The following SRBD1 variants were observed in gnomAD, a reference collection of about 807,000 sequenced individuals.
The protein encoded by SRBD1 is S1 RNA-binding domain-containing protein 1.
SRBD1 carries 88 observed loss-of-function variants against 115.3 expected under a neutral mutation model. The observed-to-expected ratio is 0.76, with a 90% CI of 0.64 to 0.91. SRBD1 has a LOEUF of 0.91. Ranked by LOEUF, SRBD1 falls within the 40% of genes least tolerant of loss-of-function variation. The pLI is 0.00. For missense variants in SRBD1, 1,385 were observed against 1,177.4 expected (o/e 1.18, Z -2.58); for synonymous variants, 509 against 407.7 (o/e 1.25, Z -2.99).
chr2:45,590,281 A>C (rs1308950328), intron 4 of SRBD1, among the ~76,000 whole-genome samples: 1 of 152,224 alleles, frequency 6.6e-6, no homozygotes, highest in Admixed American at 6.5e-5. Flanking sequence ...TAACTCTGGG[A>C]GGAACTCAGT....
chr2:45,451,506 AAG>A (rs1456725169), intron 16 of SRBD1, among the ~76,000 whole-genome samples: 1 of 152,036 alleles, frequency 6.6e-6, no homozygotes, highest in African/African-American at 2.4e-5. Context: ...GATTTTGTGG[AAG>A]AGAGATAGCA....
rs776934009 is a variant in SRBD1, at chr2:45,599,406, A to C, written c.648+43T>G. 4.3e-5 allele frequency: 68 copies of C among 1,576,630 alleles called. 1 individual carries two copies. In the Middle Eastern group the frequency reaches 5.1e-4, roughly 12 times the overall value. On this transcript the variant is annotated intron_variant, in intron 4 of 20. Transcript: ENST00000263736. ...CAACCCCTATGCTAGTCAAAAAGAA[A>C]GCACTCAAAACAACTAAAGTGACAG...
intron 6 of SRBD1, among the ~76,000 whole-genome samples, chr2:45,580,597 G>A (rs1673325205): frequency 7.1e-6 from 1 of 140,940 alleles, no homozygotes; most frequent in Non-Finnish European, 1.5e-5. Context: ...TTGGTCTCGT[G>A]ATCTGCCCGC....
At chr2:45,590,487 C>T (rs891424987) in intron 4 of SRBD1, among the ~76,000 whole-genome samples, 4 of 152,138 alleles carry the variant, frequency 2.6e-5, no homozygotes, top group East Asian at 1.9e-4. Context: ...ATAATCCCCA[C>T]GTGTCAAGGG....
Position 45,574,612 on chromosome 2 carries a change from A to G in SRBD1, c.1169+15T>C. 1 of 1,610,598 alleles carries G rather than the reference A, an allele frequency of 6.2e-7. No homozygotes were observed. Among genetic ancestry groups the G allele is most frequent in the Non-Finnish European group, 8.5e-7 (1 of 1,178,148 alleles). The stretch of plus-strand genomic sequence containing the variant: ...GAGTCCATAAAGCAGAAAACTCCAT[A>G]AAAGAGATACTCACAAGTTCCGAAT... On this transcript the variant is annotated intron_variant, in intron 8 of 20. Transcript: ENST00000263736.
chr2:45,502,197 A>G (rs1670655399), intron 14 of SRBD1, among the ~76,000 whole-genome samples: 1 of 152,228 alleles, frequency 6.6e-6, no homozygotes, highest in South Asian at 2.1e-4. Flanking sequence ...GTGGACCTCC[A>G]GCAAACTCCA....
At position 45,480,367 on chromosome 2, in the gene SRBD1, A is replaced by T. The variant is rs114747797; in HGVS notation, c.1967-3292T>A. The stretch of plus-strand genomic sequence containing the variant: ...TTTACCATTCTAGATGCTATTAATA[A>T]CATTCATAATTCATGGGAGGAGGGC... On this transcript the variant is annotated intron_variant, in intron 15 of 20. Transcript: ENST00000263736. 7.9e-3 allele frequency among the ~76,000 whole-genome samples: 1,210 copies of T among 152,308 alleles called. 17 individuals carry two copies. Among genetic ancestry groups the T allele is most frequent in the African/African-American group, 0.028 (1,146 of 41,572 alleles).
At chr2:45,526,480 G>T (rs554458637) in intron 14 of SRBD1, among the ~76,000 whole-genome samples, 3 of 151,978 alleles carry the variant, frequency 2.0e-5, no homozygotes, top group African/African-American at 7.2e-5. Flanking sequence ...TGGGAGAGAA[G>T]GGAGTGAGAG....
intron 10 of SRBD1, among the ~76,000 whole-genome samples, chr2:45,554,308 C>G (rs916133703): frequency 2.0e-5 from 3 of 152,204 alleles, no homozygotes; most frequent in African/African-American, 7.2e-5. Context: ...GCATTTTGAT[C>G]TTGGACTTCT....
chr2:45,602,537 A>G (rs745944809), intron 2 of SRBD1, among the ~76,000 whole-genome samples: 14 of 152,260 alleles, frequency 9.2e-5, no homozygotes, highest in Non-Finnish European at 1.8e-4. Context: ...AAATGGCTCT[A>G]GGAAACACAC....
chr2:45,389,294 G>A lies in SRBD1; in HGVS notation c.*16C>T. On this transcript the variant is annotated 3_prime_UTR_variant, in exon 21 of 21. Transcript: ENST00000263736. ...AAATGAGAAAATAAAATCAGCGTCTGGCCTTCGTGGGATACTCATAACACC... is the reference window on the plus strand; with the variant it reads ...AAATGAGAAAATAAAATCAGCGTCTAGCCTTCGTGGGATACTCATAACACC... The A allele has an allele frequency of 1.9e-6, 3 of 1,605,514 alleles. No homozygotes were observed. Among genetic ancestry groups the A allele is most frequent in the Non-Finnish European group, 2.6e-6 (3 of 1,174,368 alleles).
intron 14 of SRBD1, among the ~76,000 whole-genome samples, chr2:45,493,477 T>C (rs1670360334): frequency 1.3e-5 from 2 of 152,162 alleles, no homozygotes; most frequent in East Asian, 1.9e-4. Flanking sequence ...TGAATTATCA[T>C]TTCAAGGATT....
chr2:45,411,188 G>A (rs979408647), intron 19 of SRBD1, among the ~76,000 whole-genome samples: 6 of 152,222 alleles, frequency 3.9e-5, no homozygotes, highest in Admixed American at 3.3e-4. Context: ...CCCAGGTGAC[G>A]TCTGCTGGAT....
intron 15 of SRBD1, among the ~76,000 whole-genome samples, chr2:45,479,928 T>C (rs1558422854): frequency 6.6e-6 from 1 of 152,196 alleles, no homozygotes; most frequent in Non-Finnish European, 1.5e-5. Context: ...TCAAGGCTCA[T>C]TTGCCATTCT....
chr2:45,594,066 A>G (rs1172423535), intron 4 of SRBD1, among the ~76,000 whole-genome samples: 3 of 152,226 alleles, frequency 2.0e-5, no homozygotes, highest in African/African-American at 7.2e-5. Flanking sequence ...CAACTAAATT[A>G]TATTAACAAA....
intron 16 of SRBD1, among the ~76,000 whole-genome samples, chr2:45,454,355 C>G (rs1669088982): frequency 6.6e-6 from 1 of 151,696 alleles, no homozygotes; most frequent in African/African-American, 2.4e-5. Context: ...CTATATATCA[C>G]CTTAATTTAA....
intron 16 of SRBD1, among the ~76,000 whole-genome samples, chr2:45,448,677 C>T (rs1428665006): frequency 6.6e-6 from 1 of 152,148 alleles, no homozygotes; most frequent in Non-Finnish European, 1.5e-5. Context: ...AATAGACCTG[C>T]AGATAACTAT....
intron 9 of SRBD1, among the ~76,000 whole-genome samples, chr2:45,572,271 T>C (rs1047740534): frequency 6.6e-6 from 1 of 152,068 alleles, no homozygotes. Context: ...CCAAGAATTC[T>C]ATATTTTAAA....
chr2:45,599,985 C>G (rs1674042172), intron 3 of SRBD1, 150 bp from the exon 4 acceptor site: 1 of 947,050 alleles, frequency 1.1e-6, no homozygotes, highest in South Asian at 1.8e-5. Context: ...GAAAAAAAGC[C>G]AATCTCAAAG....
Sources: gnomAD v4.1 joint callset for allele counts (sites outside exome capture counted in the v4.1 genomes callset) on GRCh38, gnomAD v4.1.1 for gene constraint, MANE v1.5 for transcripts, NCBI Gene and HGNC (gene_info 2026-07-23, HGNC 2026-07-21) for gene names.